Variants in HIGD1C observed in about 807,000 individuals in gnomAD.
HIGD1C encodes the protein HIG1 hypoxia inducible domain family member 1C.
In HIGD1C, 11 loss-of-function variants were observed where a neutral mutation model predicts 13.1. The ratio of observed to expected loss-of-function variants is 0.84; its 90% CI spans 0.53 to 1.39. The LOEUF (loss-of-function observed/expected upper bound fraction) is 1.39. Among genes scored for constraint, HIGD1C ranks in the 40% most tolerant of loss-of-function variants. HIGD1C has a pLI of 0.00. For synonymous variants in HIGD1C, 36 were observed against 37.7 expected, an observed-to-expected ratio of 0.95 and a Z score of 0.17; for missense variants, 110 against 112.0, an observed-to-expected ratio of 0.98 and a Z score of 0.08.
the HIGD1C span, among the ~76,000 whole-genome samples, chr12:50,945,952 AC>A: frequency 6.6e-6 from 1 of 152,110 alleles, no homozygotes; most frequent in Non-Finnish European, 1.5e-5. Flanking sequence ...CTGATCTTTG[AC>A]AAACCTGACA....
chr12:50,953,856 T>C (rs1273261409), upstream of HIGD1C: 3 of 556,392 alleles, frequency 5.4e-6, no homozygotes, highest in African/African-American at 1.9e-5. Flanking sequence ...GGAAAGACAA[T>C]TGTTTCAGTT....
intron 1 of HIGD1C, among the ~76,000 whole-genome samples, chr12:50,958,390 T>G (rs1939193334): frequency 6.6e-6 from 1 of 150,432 alleles, no homozygotes; most frequent in South Asian, 2.1e-4. Flanking sequence ...CACACCATTC[T>G]CCTGTCTCAG....
chr12:50,938,289 C>T, the HIGD1C span, among the ~76,000 whole-genome samples: 212 of 152,214 alleles, frequency 1.4e-3, no homozygotes, highest in African/African-American at 4.5e-3. Context: ...GTGTCAGCAC[C>T]GCCCTGAGTG....
At chr12:50,943,086 G>C in the HIGD1C span, among the ~76,000 whole-genome samples, 13,881 of 151,456 alleles carry the variant, frequency 0.092, 830 homozygotes, top group Middle Eastern at 0.13. Context: ...GGCTGGTCTC[G>C]ATCTCCTGAC....
the HIGD1C span, chr12:50,939,933 C>A: frequency 6.9e-6 from 1 of 144,890 alleles, no homozygotes; most frequent in East Asian, 2.0e-4. Context: ...TTTTTTTAGC[C>A]TAGTCAATTG....
At chr12:50,938,199 C>T in the HIGD1C span, among the ~76,000 whole-genome samples, 1 of 151,350 alleles carries the variant, frequency 6.6e-6, no homozygotes, top group Non-Finnish European at 1.5e-5. Flanking sequence ...CACCCCTCCA[C>T]CCCCCCACCC....
chr12:50,956,834 TG>T (rs1939112953), intron 1 of HIGD1C, among the ~76,000 whole-genome samples: 1 of 152,206 alleles, frequency 6.6e-6, no homozygotes, highest in South Asian at 2.1e-4. Flanking sequence ...CCTTGGAGTA[TG>T]TTCCCAGAAG....
In HIGD1C at chr12:50,956,311, G is replaced by T. The variant is rs536038282; in HGVS notation, c.94+2219G>T. Among the ~76,000 whole-genome samples the T allele has an allele frequency of 2.0e-5, 3 of 152,284 alleles. No individual in the cohort carries two copies. In the East Asian group the frequency reaches 5.8e-4, roughly 29 times the overall value. On this transcript the variant is annotated intron_variant, in intron 1 of 2. Transcript: ENST00000398455. ...GGAGGCTGAGGCGGGAGAATCACTT[G>T]AACTCAGGAAGTGGAGGTTGCAGTG...
chr12:50,953,924 TG>T, exon 1 of HIGD1C: 1 of 832,458 alleles, frequency 1.2e-6, no homozygotes, highest in Non-Finnish European at 2.0e-6. Context: ...AAGAGTATGA[TG>T]GGAGAGGAAA....
chr12:50,952,268 C>T (rs1372627518), upstream of HIGD1C, among the ~76,000 whole-genome samples: 1 of 151,402 alleles, frequency 6.6e-6, no homozygotes, highest in African/African-American at 2.4e-5. Flanking sequence ...TCAGGTGGTT[C>T]GCCAAAAATA....
the HIGD1C span, among the ~76,000 whole-genome samples, chr12:50,934,742 G>A: frequency 6.6e-6 from 1 of 152,168 alleles, no homozygotes; most frequent in Non-Finnish European, 1.5e-5. Context: ...CAAGTGAAAG[G>A]AGGAAACACA....
At chr12:50,940,154 G>A in the HIGD1C span, 32 of 152,240 alleles carry the variant, frequency 2.1e-4, no homozygotes, top group African/African-American at 7.7e-4. Context: ...ACCCTCATGA[G>A]AAGCACTTGC....
the HIGD1C span, chr12:50,939,803 G>C: frequency 1.3e-5 from 2 of 152,128 alleles, no homozygotes; most frequent in Non-Finnish European, 2.9e-5. Flanking sequence ...TCTCACTCTG[G>C]TCAAGGCCTG....
the HIGD1C span, among the ~76,000 whole-genome samples, chr12:50,946,490 T>C: frequency 1.3e-5 from 2 of 152,194 alleles, no homozygotes; most frequent in African/African-American, 2.4e-5. Flanking sequence ...ATGCTCATCA[T>C]CACTGGTCAT....
chr12:50,943,976 T>C, the HIGD1C span, among the ~76,000 whole-genome samples: 45 of 152,290 alleles, frequency 3.0e-4, 1 homozygote, highest in South Asian at 9.3e-3. Context: ...CTAGTTAGAC[T>C]TTCAACGATG....
At chr12:50,940,891 C>T in the HIGD1C span, among the ~76,000 whole-genome samples, 1 of 151,818 alleles carries the variant, frequency 6.6e-6, no homozygotes, top group Non-Finnish European at 1.5e-5. Flanking sequence ...GTCACCCAGA[C>T]TGGAGTGCAG....
the HIGD1C span, chr12:50,934,818 G>A: frequency 6.6e-6 from 1 of 152,164 alleles, no homozygotes; most frequent in South Asian, 2.1e-4. Flanking sequence ...GCAGATTCTA[G>A]GATGGTTACT....
chr12:50,969,926 C>T (rs564602909), intron 2 of HIGD1C, among the ~76,000 whole-genome samples: 3 of 152,212 alleles, frequency 2.0e-5, no homozygotes, highest in African/African-American at 7.2e-5. Context: ...AGCAGCTCCT[C>T]TCTTCCTTAC....
chr12:50,965,247 G>C (rs1939496387), intron 2 of HIGD1C, among the ~76,000 whole-genome samples: 1 of 151,750 alleles, frequency 6.6e-6, no homozygotes, highest in African/African-American at 2.4e-5. Context: ...TTGAGTAGCT[G>C]GGACTACACG....
Sources: gnomAD v4.1 joint callset for allele counts (sites outside exome capture counted in the v4.1 genomes callset) on GRCh38, gnomAD v4.1.1 for gene constraint, MANE v1.5 for transcripts, NCBI Gene and HGNC (gene_info 2026-07-23, HGNC 2026-07-21) for gene names.